GPR39: variants seen among roughly 807,000 people sequenced by gnomAD.
GPR39 encodes G protein-coupled receptor 39, also known as zinc sensing receptor.
GPR39 carries 23 observed loss-of-function variants against 18.4 expected under a neutral mutation model. That is an observed-to-expected ratio of 1.25 (90% CI 0.90 to 1.77). The LOEUF (loss-of-function observed/expected upper bound fraction) is 1.77, where lower values mean the gene tolerates loss of function less well. Among genes scored for constraint, GPR39 ranks in the 40% most tolerant of loss-of-function variants. The probability of loss-of-function intolerance (pLI) is 0.00; values close to 1 mark genes in which losing one functional copy is unlikely to be tolerated. For synonymous variants in GPR39, 280 were observed against 257.9 expected, an observed-to-expected ratio of 1.09 and a Z score of -0.82; for missense variants, 647 against 602.4, an observed-to-expected ratio of 1.07 and a Z score of -0.78.
At chr2:132,538,426 C>T (rs13011435) in intron 1 of GPR39, among the ~76,000 whole-genome samples, 19,162 of 152,178 alleles carry the variant, frequency 0.13, 2,093 homozygotes, top group East Asian at 0.59. Context: ...GTGGAAGCTT[C>T]GTCCCAGAGA....
In GPR39 at chr2:132,567,461, G is replaced by T. The variant is rs1680370503; in HGVS notation, c.857-77640G>T. Among the ~76,000 whole-genome samples, 3 of 152,202 alleles carry T rather than the reference G, an allele frequency of 2.0e-5. No homozygotes were observed. In the South Asian group the frequency reaches 6.2e-4, roughly 31 times the overall value. ...AGCACAAGCAGGGTCTGTTATAAAA[G>T]CTAGTTTGGCTCATGCTCCAGCCCT... On this transcript the variant is annotated intron_variant, in intron 1 of 1. Coordinates refer to ENST00000329321, the MANE Select transcript of GPR39 (RefSeq NM_001508.3).
intron 1 of GPR39, among the ~76,000 whole-genome samples, chr2:132,475,635 C>T (rs1337483553): frequency 2.6e-5 from 4 of 151,996 alleles, no homozygotes; most frequent in Non-Finnish European, 4.4e-5. Context: ...TTGTGACATA[C>T]GAGACAGGTC....
chr2:132,608,648 C>A (rs1256983417), intron 1 of GPR39, among the ~76,000 whole-genome samples: 2 of 152,170 alleles, frequency 1.3e-5, no homozygotes, highest in Non-Finnish European at 2.9e-5. Context: ...AGTAGCCTGG[C>A]AGGGCTTGGC....
rs139219473 is a variant in GPR39, at chr2:132,487,054, T to C, written c.856+69156T>C. Reference sequence around the variant, plus strand: ...ATTGATTGGCCTAATTTTAGTATCATTGTGTCTCAGGGAATACGGAGGCCT... The same window carrying C: ...ATTGATTGGCCTAATTTTAGTATCACTGTGTCTCAGGGAATACGGAGGCCT... On this transcript the variant is annotated intron_variant, in intron 1 of 1. Coordinates refer to ENST00000329321, the MANE Select transcript of GPR39 (RefSeq NM_001508.3). Among the ~76,000 whole-genome samples, 173 of 152,252 alleles carry C rather than the reference T, an allele frequency of 1.1e-3. 1 individual carries two copies. Among genetic ancestry groups the C allele is most frequent in the African/African-American group, 3.9e-3 (163 of 41,548 alleles).
At chr2:132,629,019 C>T (rs1028843592) in intron 1 of GPR39, among the ~76,000 whole-genome samples, 1 of 152,084 alleles carries the variant, frequency 6.6e-6, no homozygotes, top group African/African-American at 2.4e-5. Flanking sequence ...CTGGGAGGTT[C>T]TAAAAAGTTA....
At chr2:132,446,499 A>G (rs750432287) in intron 1 of GPR39, among the ~76,000 whole-genome samples, 1 of 152,246 alleles carries the variant, frequency 6.6e-6, no homozygotes, top group African/African-American at 2.4e-5. Context: ...GGTGCTGGAC[A>G]TGTAGGAGAG....
chr2:132,601,586 A>C (rs1681043140), intron 1 of GPR39, among the ~76,000 whole-genome samples: 1 of 152,156 alleles, frequency 6.6e-6, no homozygotes, highest in African/African-American at 2.4e-5. Flanking sequence ...CACCAGAGTA[A>C]TTAGATAAAA....
At chr2:132,625,836 G>A (rs1472064965) in intron 1 of GPR39, among the ~76,000 whole-genome samples, 2 of 152,108 alleles carry the variant, frequency 1.3e-5, no homozygotes, top group Non-Finnish European at 2.9e-5. Context: ...AGCCTGGCTG[G>A]GTGCAGTGGC....
intron 1 of GPR39, among the ~76,000 whole-genome samples, chr2:132,614,129 A>G (rs1412245526): frequency 6.6e-6 from 1 of 151,118 alleles, no homozygotes; most frequent in Non-Finnish European, 1.5e-5. Context: ...TTCTTCTAGC[A>G]TCTTTCTCCA....
chr2:132,450,328 C>T (rs1680610578), intron 1 of GPR39, among the ~76,000 whole-genome samples: 1 of 152,172 alleles, frequency 6.6e-6, no homozygotes, highest in African/African-American at 2.4e-5. Flanking sequence ...CTGCTCAGCT[C>T]CTCTCCTGGC....
intron 1 of GPR39, among the ~76,000 whole-genome samples, chr2:132,443,909 C>CA (rs978003167): frequency 1.3e-5 from 2 of 152,050 alleles, no homozygotes; most frequent in African/African-American, 4.8e-5. Flanking sequence ...GTCTCTATCA[C>CA]AAAAATACAA....
chr2:132,417,566 G>A lies in GPR39; in HGVS notation c.524G>A (p.Gly175Asp), dbSNP rs1679929350. The part of the protein sequence containing the change: ...LVALPLLFAM[G>D]TEYPLVNVPS... ...GCACTGCCCTTGCTGTTTGCCATGG[G>A]TACTGAGTACCCCCTGGTGAACGTG... Residue 175 changes from glycine to aspartate, a missense_variant, in exon 1 of 2, where the codon GGT becomes GAT. Transcript: ENST00000329321. The A allele has an allele frequency of 1.2e-6, 2 of 1,614,000 alleles. No individual in the cohort carries two copies. The highest frequency in any genetic ancestry group is 1.6e-4 in the Middle Eastern group (1 of 6,084).
intron 1 of GPR39, among the ~76,000 whole-genome samples, chr2:132,509,950 G>T (rs1369280189): frequency 1.3e-5 from 2 of 152,106 alleles, no homozygotes; most frequent in African/African-American, 4.8e-5. Context: ...GCTCTTGGAA[G>T]CCATTTGCCA....
At chr2:132,567,187 C>T (rs1457273557) in intron 1 of GPR39, among the ~76,000 whole-genome samples, 2 of 152,064 alleles carry the variant, frequency 1.3e-5, no homozygotes, top group South Asian at 2.1e-4. Context: ...CCGGGCATGG[C>T]GGCACATGCC....
At chr2:132,626,155 C>G in intron 1 of GPR39, among the ~76,000 whole-genome samples, 1 of 152,116 alleles carries the variant, frequency 6.6e-6, no homozygotes, top group Non-Finnish European at 1.5e-5. Flanking sequence ...ATGACATCCC[C>G]CAAGGTGACA....
In GPR39 at chr2:132,588,573, T is replaced by A. The variant is rs571951770; in HGVS notation, c.857-56528T>A. Among the ~76,000 whole-genome samples, 15 of 152,268 alleles carry A rather than the reference T, an allele frequency of 9.9e-5. No individual in the cohort carries two copies. In the East Asian group the frequency reaches 2.9e-3, roughly 29 times the overall value. On this transcript the variant is annotated intron_variant, in intron 1 of 1. Transcript: ENST00000329321. ...GTGTGTGGGGCCTGGGCTGCTGGGATTTCTGGGAGAGGAGACCGAAGACTG... is the reference window on the plus strand; with the variant it reads ...GTGTGTGGGGCCTGGGCTGCTGGGAATTCTGGGAGAGGAGACCGAAGACTG...
intron 1 of GPR39, among the ~76,000 whole-genome samples, chr2:132,614,262 A>C (rs1681289711): frequency 6.6e-6 from 1 of 151,788 alleles, no homozygotes; most frequent in Admixed American, 6.6e-5. Context: ...ACTGGAGTGC[A>C]GTGGCGCAAT....
At chr2:132,548,417 T>A (rs987331248) in intron 1 of GPR39, among the ~76,000 whole-genome samples, 3 of 152,214 alleles carry the variant, frequency 2.0e-5, no homozygotes, top group Non-Finnish European at 2.9e-5. Context: ...TGGCTGTAAA[T>A]TTAGCTAAAA....
At chr2:132,571,724 A>G (rs112579046) in intron 1 of GPR39, among the ~76,000 whole-genome samples, 2 of 152,268 alleles carry the variant, frequency 1.3e-5, no homozygotes, top group African/African-American at 4.8e-5. Context: ...GTGTCAAAGC[A>G]ACAAGATCAT....
Sources: gnomAD v4.1 joint callset for allele counts (sites outside exome capture counted in the v4.1 genomes callset) on GRCh38, gnomAD v4.1.1 for gene constraint, MANE v1.5 for transcripts, NCBI Gene and HGNC (gene_info 2026-07-23, HGNC 2026-07-21) for gene names.